MYH11: variants seen among roughly 807,000 people sequenced by gnomAD.
MYH11 encodes myosin-11.
A neutral mutation model predicts 246.6 loss-of-function variants in MYH11; 80 were observed. The observed-to-expected ratio is 0.32, with a 90% confidence interval of 0.27 to 0.39. The LOEUF is 0.39. Ranked by LOEUF, MYH11 falls within the 10% of genes least tolerant of loss-of-function variation. MYH11 has a pLI of 1.00. For missense variants in MYH11, 2,158 were observed against 2,546.8 expected (o/e 0.85, Z 3.29); for synonymous variants, 1,071 against 1,015.5 (o/e 1.05, Z -1.04).
At chr16:15,763,672 C>A (rs2041916573) in intron 10 of MYH11, 124 bp downstream of exon 10, 3 of 835,968 alleles carry the variant, frequency 3.6e-6, no homozygotes, top group Non-Finnish European at 6.2e-6. Flanking sequence ...GTGATAAGAA[C>A]CTAGTCCAAC....
At chr16:15,826,804 C>A (rs1172823077) in intron 2 of MYH11, among the ~76,000 whole-genome samples, 1 of 151,512 alleles carries the variant, frequency 6.6e-6, no homozygotes, top group East Asian at 1.9e-4. Context: ...CCAACCTAGG[C>A]AACACAGTGA....
chr16:15,781,696 G>A (rs2042357903), intron 6 of MYH11, among the ~76,000 whole-genome samples: 1 of 152,182 alleles, frequency 6.6e-6, no homozygotes, highest in East Asian at 1.9e-4. Flanking sequence ...GTGTGCATGG[G>A]AAGGTAGTAC....
chr16:15,782,271 C>T, intron 6 of MYH11, 114 bp downstream of exon 6: 1 of 836,032 alleles, frequency 1.2e-6, no homozygotes, highest in Non-Finnish European at 2.1e-6. Context: ...GAGATACAGC[C>T]CATCTCTCCA....
chr16:15,846,270 C>T (rs766300453), intron 1 of MYH11, among the ~76,000 whole-genome samples: 1 of 151,982 alleles, frequency 6.6e-6, no homozygotes, highest in Non-Finnish European at 1.5e-5. Flanking sequence ...AAATAGGACT[C>T]GAATCAGGTG....
intron 1 of MYH11, among the ~76,000 whole-genome samples, chr16:15,852,330 A>G (rs1169537987): frequency 8.3e-6 from 1 of 120,934 alleles, no homozygotes; most frequent in Non-Finnish European, 1.6e-5. Flanking sequence ...GCAATTTGCA[A>G]TGCCTTTTTT....
Position 15,756,517 on chromosome 16 carries a change from G to A in MYH11, c.1576-3C>T. 6.2e-7 allele frequency: 1 copy of A among 1,614,162 alleles called. No individual in the cohort carries two copies. Among genetic ancestry groups the A allele is most frequent in the South Asian group, 1.1e-5 (1 of 91,082 alleles). On this transcript the variant is annotated splice_region_variant and splice_polypyrimidine_tract_variant and intron_variant, in intron 13 of 40. Transcript: ENST00000300036. Reference sequence around the variant, plus strand: ...GCCAGCACACCTGGAGGGTTGTTCTGTGGGAGACAAGTAGGGCTTGAATCA... The same window carrying A: ...GCCAGCACACCTGGAGGGTTGTTCTATGGGAGACAAGTAGGGCTTGAATCA...
At chr16:15,751,924 G>T (rs2041583948) in intron 15 of MYH11, among the ~76,000 whole-genome samples, 1 of 151,692 alleles carries the variant, frequency 6.6e-6, no homozygotes, top group Non-Finnish European at 1.5e-5. Context: ...TCAGCCTCCC[G>T]AGTAGCTGGG....
chr16:15,717,377 G>A (rs200437188), intron 37 of MYH11, 29 bp from the exon 38 acceptor site: 193 of 1,600,826 alleles, frequency 1.2e-4, no homozygotes, highest in East Asian at 6.7e-4. Context: ...GCCATGAGGC[G>A]GACTCAGGGA....
chr16:15,845,664 C>T (rs947801998), intron 1 of MYH11, among the ~76,000 whole-genome samples: 1 of 151,934 alleles, frequency 6.6e-6, no homozygotes, highest in Admixed American at 6.6e-5. Context: ...CCCTGATAAT[C>T]TCTTGTTTCT....
At chr16:15,848,601 G>A (rs2044258375) in intron 1 of MYH11, among the ~76,000 whole-genome samples, 1 of 152,068 alleles carries the variant, frequency 6.6e-6, no homozygotes, top group Non-Finnish European at 1.5e-5. Flanking sequence ...TCCGTGCATT[G>A]TGGGATGTTC....
At chr16:15,856,531 GC>G (rs1183621316) in intron 1 of MYH11, among the ~76,000 whole-genome samples, 3 of 151,988 alleles carry the variant, frequency 2.0e-5, no homozygotes, top group Non-Finnish European at 4.4e-5. Flanking sequence ...AAAGTGAGAT[GC>G]CTTGATTGTC....
intron 33 of MYH11, 97 bp downstream of exon 33, chr16:15,720,742 T>A (rs953240647): frequency 3.0e-6 from 4 of 1,351,184 alleles, no homozygotes; most frequent in Non-Finnish European, 2.1e-6. Context: ...CAAAAAAAAA[T>A]AAAGAAAACG....
chr16:15,706,241 A>G (rs960518388), intron 40 of MYH11, among the ~76,000 whole-genome samples: 1 of 152,180 alleles, frequency 6.6e-6, no homozygotes. Flanking sequence ...AGAACTCTCC[A>G]TCCTTCTCTC....
intron 28 of MYH11, 29 bp downstream of exon 28, chr16:15,726,819 C>T: frequency 6.2e-7 from 1 of 1,609,986 alleles, no homozygotes; most frequent in Non-Finnish European, 8.5e-7. Flanking sequence ...CCCAGCACTG[C>T]CCACCACACC....
intron 4 of MYH11, among the ~76,000 whole-genome samples, chr16:15,793,499 C>T (rs2042662770): frequency 6.6e-6 from 1 of 152,058 alleles, no homozygotes; most frequent in Non-Finnish European, 1.5e-5. Flanking sequence ...TACTGTGTTC[C>T]TCAGTTTGGT....
intron 1 of MYH11, among the ~76,000 whole-genome samples, chr16:15,844,722 G>C (rs537774498): frequency 6.6e-4 from 100 of 151,820 alleles, no homozygotes; most frequent in African/African-American, 2.3e-3. Context: ...ATGATGATGC[G>C]TGCTTGTAGT....
intron 40 of MYH11, among the ~76,000 whole-genome samples, chr16:15,709,048 T>C: frequency 6.6e-6 from 1 of 152,008 alleles, no homozygotes; most frequent in East Asian, 1.9e-4. Flanking sequence ...ATTCAAGTGA[T>C]CCCCTTGTCT....
intron 3 of MYH11, among the ~76,000 whole-genome samples, chr16:15,819,791 A>T (rs1419661035): frequency 6.6e-6 from 1 of 152,166 alleles, no homozygotes; most frequent in Non-Finnish European, 1.5e-5. Flanking sequence ...CTTCTATGAA[A>T]CTGGTCCCTG....
intron 10 of MYH11, 55 bp downstream of exon 10, chr16:15,763,741 T>TGGGCC: frequency 7.7e-6 from 5 of 646,848 alleles, no homozygotes; most frequent in African/African-American, 2.1e-5. Flanking sequence ...AAATGTCACC[T>TGGGCC]CCCCCACCCC....
Sources: allele counts gnomAD v4.1 joint callset (sites outside exome capture counted in the v4.1 genomes callset), GRCh38; gene constraint gnomAD v4.1.1; transcripts MANE v1.5; gene names NCBI Gene and HGNC (gene_info 2026-07-23, HGNC 2026-07-21).